ITSN1: variants seen among roughly 807,000 people sequenced by gnomAD.
ITSN1 encodes intersectin 1, also known as intersectin-1.
A neutral mutation model predicts 239.8 loss-of-function variants in ITSN1; 58 were observed. That is an observed-to-expected ratio of 0.24 (90% confidence interval 0.20 to 0.30). The LOEUF is 0.30. ITSN1 is among the 10% of genes least tolerant of loss of function. ITSN1 has a pLI of 1.00. For missense variants in ITSN1, 1,558 were observed against 2,103.3 expected, an observed-to-expected ratio of 0.74 and a Z score of 5.07; for synonymous variants, 780 against 770.8, an observed-to-expected ratio of 1.01 and a Z score of -0.20.
intron 1 of ITSN1, 44 bp from the exon 2 acceptor site, chr21:33,718,753 G>A (rs1449061006): frequency 2.4e-6 from 3 of 1,238,934 alleles, no homozygotes; most frequent in South Asian, 1.2e-5. Context: ...GATTATACAG[G>A]AATTAAGTTT....
At position 33,741,008 on chromosome 21, in the gene ITSN1, T is replaced by C. The variant is rs577360269; in HGVS notation, c.346+5804T>C. ...GAAGATTTCTAACAAATTTGGAAGC[T>C]TAAAAGATGCTTTTACCAGTCTGAT... On this transcript the variant is annotated intron_variant, in intron 5 of 39. Transcript: ENST00000381318. Among the ~76,000 whole-genome samples, 3 of 152,334 alleles carry C rather than the reference T, an allele frequency of 2.0e-5. No individual in the cohort carries two copies. In the South Asian group the frequency reaches 6.2e-4, roughly 32 times the overall value.
At position 33,742,652 on chromosome 21, in the gene ITSN1, A is replaced by G. The variant is rs542161163; in HGVS notation, c.346+7448A>G. On this transcript the variant is annotated intron_variant, in intron 5 of 39. Coordinates refer to ENST00000381318, the MANE Select transcript of ITSN1 (RefSeq NM_003024.3). The stretch of plus-strand genomic sequence containing the variant: ...TATGAACTCAAAAGACTGGCCCAAC[A>G]AGCCTTCCTTTTGGGACAGGGCTTC... Among the ~76,000 whole-genome samples, 13 of 152,300 alleles carry G rather than the reference A, an allele frequency of 8.5e-5. No individual in the cohort carries two copies. In the South Asian group the frequency reaches 2.7e-3, roughly 32 times the overall value.
At chr21:33,876,727 AC>A (rs1321183692) in intron 34 of ITSN1, among the ~76,000 whole-genome samples, 2 of 152,174 alleles carry the variant, frequency 1.3e-5, no homozygotes, top group African/African-American at 4.8e-5. Context: ...CCCTGTCTAT[AC>A]AAAAAAATAA....
At chr21:33,845,185 T>C (rs1421397431) in intron 29 of ITSN1, among the ~76,000 whole-genome samples, 3 of 151,602 alleles carry the variant, frequency 2.0e-5, no homozygotes, top group Non-Finnish European at 4.4e-5. Flanking sequence ...GCACAGAGCA[T>C]GACTGGGGGC....
rs78939093 is a variant in ITSN1, at chr21:33,747,164, C to T, written c.347-2979C>T. On this transcript the variant is annotated intron_variant, in intron 5 of 39. Coordinates refer to ENST00000381318, the MANE Select transcript of ITSN1 (RefSeq NM_003024.3). ...GTGAGGCCTTGTCTCAAAACAAAAACAAAACCTGAAAAGTTCAATAACTAA... is the reference window on the plus strand; with the variant it reads ...GTGAGGCCTTGTCTCAAAACAAAAATAAAACCTGAAAAGTTCAATAACTAA... 5.3e-3 allele frequency among the ~76,000 whole-genome samples: 813 copies of T among 152,168 alleles called. 2 individuals carry two copies. Among genetic ancestry groups the T allele is most frequent in the Middle Eastern group, 0.01 (3 of 294 alleles).
At chr21:33,700,979 G>C (rs1249619792) in intron 1 of ITSN1, among the ~76,000 whole-genome samples, 2 of 151,202 alleles carry the variant, frequency 1.3e-5, no homozygotes, top group African/African-American at 4.9e-5. Context: ...GTGTGTGTGT[G>C]TGTGTGTGTG....
rs544563147 is a variant in ITSN1 at position 33,750,093 on chromosome 21, G to A, written c.347-50G>A. The A allele has an allele frequency of 2.8e-5, 44 of 1,545,566 alleles. No homozygotes were observed. In the African/African-American group the frequency reaches 4.7e-4, roughly 17 times the overall value. ...AGTACTGGGTTAATTATTATTCAGTGTTGAAATGTGATTGGATGTGAATGG... is the reference window on the plus strand; with the variant it reads ...AGTACTGGGTTAATTATTATTCAGTATTGAAATGTGATTGGATGTGAATGG... On this transcript the variant is annotated intron_variant, in intron 5 of 39. Transcript: ENST00000381318.
At chr21:33,760,049 C>A (rs968849523) in intron 8 of ITSN1, among the ~76,000 whole-genome samples, 17 of 151,768 alleles carry the variant, frequency 1.1e-4, no homozygotes, top group African/African-American at 3.9e-4. Flanking sequence ...TTGCAGGGAG[C>A]CAAGATGGCG....
Position 33,865,385 on chromosome 21 carries a change from G to T in ITSN1, c.4074+51G>T. ...TGGGCCCCAGAGTGGCGATCTTTGG[G>T]CAGCTGGATGTGTGAGGGGCTAATT... is the stretch of plus-strand genomic sequence containing the variant. On this transcript the variant is annotated intron_variant, in intron 32 of 39. Transcript: ENST00000381318. The surrounding 1 kb of genome is among the most constrained non-coding windows in gnomAD (Gnocchi z 4.4). 1 of 1,389,286 alleles carries T rather than the reference G, an allele frequency of 7.2e-7. No individual in the cohort carries two copies. The highest frequency in any genetic ancestry group is 9.7e-7 in the Non-Finnish European group (1 of 1,033,188). 86.1% of individuals were successfully genotyped at this position (1,389,286 alleles called of 1,614,324 possible).
intron 1 of ITSN1, among the ~76,000 whole-genome samples, chr21:33,678,406 A>G (rs933137658): frequency 1.3e-5 from 2 of 152,278 alleles, no homozygotes; most frequent in South Asian, 2.1e-4. Context: ...CTGTCTTCCT[A>G]TTCGAGAATG....
intron 18 of ITSN1, among the ~76,000 whole-genome samples, chr21:33,798,815 C>CA (rs2071759869): frequency 6.6e-6 from 1 of 152,120 alleles, no homozygotes; most frequent in African/African-American, 2.4e-5. Flanking sequence ...AGGGGAAAGA[C>CA]TGGCAGGTCA....
chr21:33,827,602 A>T (rs2074045094), intron 26 of ITSN1, among the ~76,000 whole-genome samples: 1 of 152,038 alleles, frequency 6.6e-6, no homozygotes, highest in Non-Finnish European at 1.5e-5. Context: ...TGTAGGTCCC[A>T]TTAATGTAGA....
At chr21:33,674,179 A>G (rs2090462292) in intron 1 of ITSN1, among the ~76,000 whole-genome samples, 1 of 152,240 alleles carries the variant, frequency 6.6e-6, no homozygotes, top group South Asian at 2.1e-4. Context: ...CCTTTAAGGC[A>G]TCTCTACAGG....
At chr21:33,872,531 T>C (rs550911101) in intron 33 of ITSN1, among the ~76,000 whole-genome samples, 1 of 152,280 alleles carries the variant, frequency 6.6e-6, no homozygotes, top group Non-Finnish European at 1.5e-5. Context: ...TTTATTTTTA[T>C]TTTTATTTAC....
At chr21:33,671,827 A>G (rs2090306617) in intron 1 of ITSN1, among the ~76,000 whole-genome samples, 1 of 152,154 alleles carries the variant, frequency 6.6e-6, no homozygotes, top group African/African-American at 2.4e-5. Context: ...ACTTACAATA[A>G]TAATTACTTG....
chr21:33,866,919 C>T (rs973036726), intron 32 of ITSN1, among the ~76,000 whole-genome samples: 10 of 138,314 alleles, frequency 7.2e-5, no homozygotes, highest in Non-Finnish European at 1.3e-4. Context: ...GACATCCAGA[C>T]GAAATATTCT....
intron 16 of ITSN1, among the ~76,000 whole-genome samples, chr21:33,791,199 T>A (rs1449214063): frequency 3.3e-5 from 5 of 152,272 alleles, no homozygotes; most frequent in Non-Finnish European, 7.3e-5. Flanking sequence ...AGACCCAGAA[T>A]GCCTGCCTCT....
At chr21:33,766,870 A>G (rs1432151035) in intron 10 of ITSN1, among the ~76,000 whole-genome samples, 1 of 152,200 alleles carries the variant, frequency 6.6e-6, no homozygotes, top group Non-Finnish European at 1.5e-5. Context: ...AGCAAAGTTA[A>G]AAGTGTAAAG....
chr21:33,649,872 C>T (rs578017970), intron 1 of ITSN1, among the ~76,000 whole-genome samples: 16 of 151,916 alleles, frequency 1.1e-4, no homozygotes, highest in South Asian at 4.2e-4. Flanking sequence ...AAAAATTAGG[C>T]GGGCGTGGTG....
Sources: allele counts gnomAD v4.1 joint callset (sites outside exome capture counted in the v4.1 genomes callset), GRCh38; gene constraint gnomAD v4.1.1; non-coding constraint Gnocchi (gnomAD v3.1); transcripts MANE v1.5; gene names NCBI Gene and HGNC (gene_info 2026-07-23, HGNC 2026-07-21).